BICRAL: variants seen among roughly 807,000 people sequenced by gnomAD.
The protein encoded by BICRAL is BRD4-interacting chromatin-remodeling complex-associated protein-like.
BICRAL carries 8 observed loss-of-function variants against 91.8 expected under a neutral mutation model. That is an observed-to-expected ratio of 0.09 (90% CI 0.05 to 0.16). BICRAL has a LOEUF of 0.16. BICRAL is among the 10% of genes least tolerant of loss of function. BICRAL has a pLI of 1.00. For missense variants in BICRAL, 1,038 were observed against 1,310.9 expected (o/e 0.79, Z 3.21); for synonymous variants, 445 against 491.1 (o/e 0.91, Z 1.24).
intron 2 of BICRAL, 91 bp from the exon 3 acceptor site, chr6:42,821,927 A>G: frequency 4.2e-6 from 3 of 711,934 alleles, no homozygotes; most frequent in Non-Finnish European, 7.3e-6. Context: ...ATTTATCCAG[A>G]AAAGTGTAAG....
chr6:42,782,214 GA>G (rs1215058646), intron 1 of BICRAL, 113 bp downstream of exon 1: 3 of 150,642 alleles, frequency 2.0e-5, no homozygotes, highest in Non-Finnish European at 3.0e-5. Flanking sequence ...AAAAGCGAGG[GA>G]GGGGGGGCTG....
chr6:42,833,058 C>CTTT (rs1292449197), intron 6 of BICRAL, among the ~76,000 whole-genome samples: 1 of 139,802 alleles, frequency 7.2e-6, no homozygotes, highest in Non-Finnish European at 1.6e-5. Context: ...GGTAGACTGT[C>CTTT]TTTTTTTTTT....
At chr6:42,857,339 G>A (rs1765401663) in intron 10 of BICRAL, 103 bp downstream of exon 10, 1 of 938,032 alleles carries the variant, frequency 1.1e-6, no homozygotes, top group African/African-American at 1.7e-5. Context: ...TGGTAGGCAG[G>A]TTATTGTTTT....
intron 1 of BICRAL, among the ~76,000 whole-genome samples, chr6:42,751,636 A>AC (rs1281362928): frequency 7.0e-6 from 1 of 143,372 alleles, no homozygotes; most frequent in South Asian, 2.2e-4. Context: ...AAATAAAAGG[A>AC]CCCTTTTTCT....
chr6:42,857,020 G>A, intron 9 of BICRAL, 71 bp from the exon 10 acceptor site: 1 of 1,283,638 alleles, frequency 7.8e-7, no homozygotes, highest in Non-Finnish European at 1.1e-6. Context: ...TTATTTGCAT[G>A]CAAATAAATA....
intron 1 of BICRAL, among the ~76,000 whole-genome samples, chr6:42,801,317 G>A (rs1763566104): frequency 6.7e-6 from 1 of 148,952 alleles, no homozygotes; most frequent in African/African-American, 2.5e-5. Flanking sequence ...CTGACATTTT[G>A]AATTTTTTAA....
At chr6:42,787,859 A>G (rs1763143945) in intron 1 of BICRAL, among the ~76,000 whole-genome samples, 1 of 151,796 alleles carries the variant, frequency 6.6e-6, no homozygotes, top group Admixed American at 6.6e-5. Context: ...TAGTGGCTTC[A>G]GAGGGAGATG....
intron 6 of BICRAL, among the ~76,000 whole-genome samples, chr6:42,844,850 A>C (rs908192032): frequency 1.3e-5 from 2 of 152,154 alleles, no homozygotes; most frequent in South Asian, 4.1e-4. Flanking sequence ...GAGAAGGAGA[A>C]AGACATTCAT....
chr6:42,836,619 C>CTTT (rs962446384), intron 6 of BICRAL, among the ~76,000 whole-genome samples: 14 of 125,350 alleles, frequency 1.1e-4, no homozygotes, highest in African/African-American at 2.7e-4. Context: ...TGTGTAGTTT[C>CTTT]TTTTTTTTTT....
At chr6:42,753,894 G>A (rs898360704) in intron 1 of BICRAL, among the ~76,000 whole-genome samples, 17 of 152,016 alleles carry the variant, frequency 1.1e-4, no homozygotes, top group Non-Finnish European at 2.4e-4. Flanking sequence ...TTACAGGCAC[G>A]AGCCCCTACA....
chr6:42,838,366 G>A (rs989253154), intron 6 of BICRAL, among the ~76,000 whole-genome samples: 14 of 152,052 alleles, frequency 9.2e-5, no homozygotes, highest in Non-Finnish European at 1.9e-4. Context: ...CTCATGACTC[G>A]GCTTCATCAG....
intron 1 of BICRAL, among the ~76,000 whole-genome samples, chr6:42,763,758 T>C (rs1377100299): frequency 6.6e-6 from 1 of 150,800 alleles, no homozygotes; most frequent in East Asian, 2.0e-4. Flanking sequence ...GAGGTGGAGG[T>C]TGCAGTGAGC....
chr6:42,813,738 C>T (rs1328678842), intron 2 of BICRAL, among the ~76,000 whole-genome samples: 1 of 151,972 alleles, frequency 6.6e-6, no homozygotes, highest in Non-Finnish European at 1.5e-5. Flanking sequence ...GCAGGAGGGT[C>T]TCAAACTCCT....
intron 2 of BICRAL, among the ~76,000 whole-genome samples, chr6:42,811,463 A>G (rs1353510090): frequency 3.3e-5 from 5 of 152,062 alleles, no homozygotes; most frequent in African/African-American, 4.8e-5. Flanking sequence ...CCTACTAAAA[A>G]TACAAAAATT....
intron 6 of BICRAL, among the ~76,000 whole-genome samples, chr6:42,843,482 G>A (rs1764873259): frequency 6.6e-6 from 1 of 152,276 alleles, no homozygotes; most frequent in South Asian, 2.1e-4. Context: ...GCATGAAGTA[G>A]ACCTACACTA....
intron 1 of BICRAL, among the ~76,000 whole-genome samples, chr6:42,793,641 G>A (rs939158486): frequency 1.3e-5 from 2 of 151,930 alleles, no homozygotes; most frequent in Non-Finnish European, 2.9e-5. Flanking sequence ...AAATCTGTGA[G>A]AGTTTTAGGA....
intron 1 of BICRAL, among the ~76,000 whole-genome samples, chr6:42,807,319 G>A (rs999556856): frequency 1.3e-5 from 2 of 151,820 alleles, no homozygotes; most frequent in East Asian, 2.0e-4. Flanking sequence ...GAGTAGCTGC[G>A]ACTACAGGCG....
At chr6:42,781,183 G>A (rs1347841405), upstream of BICRAL, among the ~76,000 whole-genome samples, 3 of 152,004 alleles carry the variant, frequency 2.0e-5, no homozygotes, top group Non-Finnish European at 2.9e-5. Context: ...AGAATGAGGG[G>A]GTTATGTAAT....
chr6:42,847,301 A>T (rs1380262003), intron 6 of BICRAL, among the ~76,000 whole-genome samples: 1 of 152,162 alleles, frequency 6.6e-6, no homozygotes, highest in African/African-American at 2.4e-5. Flanking sequence ...AAAAAGCATA[A>T]ATTAGCTGTA....
Sources: allele counts gnomAD v4.1 joint callset (sites outside exome capture counted in the v4.1 genomes callset), GRCh38; gene constraint gnomAD v4.1.1; transcripts MANE v1.5; gene names NCBI Gene and HGNC (gene_info 2026-07-23, HGNC 2026-07-21).